The following PIK3C3 variants were observed in gnomAD, a reference collection of about 807,000 sequenced individuals.
PIK3C3 encodes PI3-kinase type 3.
A neutral mutation model predicts 126.1 loss-of-function variants in PIK3C3; 95 were observed. That is an observed-to-expected ratio of 0.75 (90% confidence interval 0.64 to 0.89). PIK3C3 has a LOEUF of 0.89. Ranked by LOEUF, PIK3C3 falls within the 40% of genes least tolerant of loss-of-function variation. The pLI, the probability that PIK3C3 is intolerant of heterozygous loss-of-function variation, is 0.00. For missense variants in PIK3C3, 829 were observed against 1,063.2 expected, an observed-to-expected ratio of 0.78 and a Z score of 3.06; for synonymous variants, 374 against 360.0, an observed-to-expected ratio of 1.04 and a Z score of -0.44.
intron 15 of PIK3C3, among the ~76,000 whole-genome samples, chr18:42,031,202 T>G (rs1377874945): frequency 6.6e-6 from 1 of 152,194 alleles, no homozygotes; most frequent in East Asian, 1.9e-4. Flanking sequence ...TAAAATCATA[T>G]GTAGCACTTT....
chr18:41,973,368 A>T (rs527574081), intron 4 of PIK3C3, among the ~76,000 whole-genome samples: 2 of 152,126 alleles, frequency 1.3e-5, no homozygotes, highest in South Asian at 4.1e-4. Context: ...CACCTAAAAC[A>T]TGGTCTTGCC....
At chr18:41,956,514 T>A (rs1979780030) in intron 1 of PIK3C3, among the ~76,000 whole-genome samples, 2 of 150,970 alleles carry the variant, frequency 1.3e-5, no homozygotes, top group South Asian at 2.1e-4. Context: ...TGTTTGAACA[T>A]TAAAAATAAA....
At chr18:41,968,151 G>A (rs1980467183) in intron 3 of PIK3C3, among the ~76,000 whole-genome samples, 1 of 152,158 alleles carries the variant, frequency 6.6e-6, no homozygotes, top group Admixed American at 6.6e-5. Flanking sequence ...AAATCATTTA[G>A]TAAACTGACT....
chr18:41,975,153 C>T (rs1447439029), intron 4 of PIK3C3, among the ~76,000 whole-genome samples: 3 of 152,130 alleles, frequency 2.0e-5, no homozygotes, highest in Non-Finnish European at 4.4e-5. Context: ...GCCTGTGTGG[C>T]GTCACTGTGG....
Position 41,962,626 on chromosome 18 carries a change from A to G in PIK3C3, c.395A>G (p.Lys132Arg), listed in dbSNP as rs141423044. The G allele has an allele frequency of 1.3e-4, 215 of 1,610,692 alleles. No individual in the cohort carries two copies. Among genetic ancestry groups the G allele is most frequent in the Non-Finnish European group, 1.3e-4 (157 of 1,178,092 alleles). Residue 132 changes from lysine to arginine, a missense_variant, in exon 3 of 25, where the codon AAA becomes AGA. Physicochemically the swap from Lys to Arg is conservative, Grantham distance 26. Coordinates refer to ENST00000262039, the MANE Select transcript of PIK3C3 (RefSeq NM_002647.4). ...VGGTTVSLFG[K>R]YGMFRQGMHD... ...GGAACAACGGTTTCGCTCTTTGGAA[A>G]ATACGGGTAAGCATTCTGTTGGTCT...
At position 42,043,713 on chromosome 18, in the gene PIK3C3, T is replaced by G; in HGVS notation, c.2104-20T>G. On this transcript the variant is annotated intron_variant, in intron 19 of 24. Transcript: ENST00000262039. ...TTTGTTTGTACTTAATTCTAAAACA[T>G]GTAAATAATGTCTTTTCAGAACTTT... The G allele has an allele frequency of 1.3e-6, 2 of 1,523,166 alleles. No individual in the cohort carries two copies. The highest frequency in any genetic ancestry group is 9.1e-7 in the Non-Finnish European group (1 of 1,098,284). 94.4% of individuals were successfully genotyped at this position (1,523,166 alleles called of 1,614,324 possible).
chr18:42,019,890 A>T (rs1983244795), intron 12 of PIK3C3, among the ~76,000 whole-genome samples: 1 of 152,084 alleles, frequency 6.6e-6, no homozygotes, highest in African/African-American at 2.4e-5. Flanking sequence ...GAAATTTGGG[A>T]GTTACTATTA....
intron 4 of PIK3C3, among the ~76,000 whole-genome samples, chr18:41,981,133 A>T (rs72907555): frequency 6.6e-6 from 1 of 152,156 alleles, no homozygotes; most frequent in East Asian, 1.9e-4. Flanking sequence ...GAATTGTGTT[A>T]TAACAAGCGT....
At chr18:41,993,614 T>C (rs1161552299) in intron 7 of PIK3C3, among the ~76,000 whole-genome samples, 1 of 152,010 alleles carries the variant, frequency 6.6e-6, no homozygotes, top group East Asian at 1.9e-4. Context: ...TTTTTTTTTT[T>C]CTTCAGGTTG....
chr18:42,001,873 T>C (rs1355808766), intron 9 of PIK3C3, among the ~76,000 whole-genome samples: 1 of 152,208 alleles, frequency 6.6e-6, no homozygotes, highest in Non-Finnish European at 1.5e-5. Flanking sequence ...TTAAGAAGTA[T>C]TGCTTTGTTT....
intron 9 of PIK3C3, 99 bp from the exon 10 acceptor site, chr18:42,004,257 C>A: frequency 1.2e-6 from 1 of 826,262 alleles, no homozygotes; most frequent in Non-Finnish European, 2.0e-6. Context: ...TCACTGACTC[C>A]GTGGCTCTGT....
chr18:42,042,658 T>C (rs1343233965), intron 19 of PIK3C3, among the ~76,000 whole-genome samples: 1 of 152,222 alleles, frequency 6.6e-6, no homozygotes, highest in African/African-American at 2.4e-5. Flanking sequence ...ATGAAAACAG[T>C]GACAGTTTGT....
intron 10 of PIK3C3, among the ~76,000 whole-genome samples, chr18:42,009,840 A>T (rs1255115305): frequency 6.6e-6 from 1 of 152,156 alleles, no homozygotes; most frequent in Non-Finnish European, 1.5e-5. Flanking sequence ...AAATTTTAAC[A>T]ATCATCTGAG....
At chr18:42,051,060 T>C (rs961799923) in intron 21 of PIK3C3, 2 of 152,262 alleles carry the variant, frequency 1.3e-5, no homozygotes, top group Non-Finnish European at 2.9e-5. Flanking sequence ...TTTGTTTAAT[T>C]CAACAACTAT....
intron 7 of PIK3C3, among the ~76,000 whole-genome samples, chr18:41,994,666 A>G (rs1981942429): frequency 2.0e-5 from 3 of 152,168 alleles, no homozygotes; most frequent in Admixed American, 2.0e-4. Flanking sequence ...AATTTGGAAA[A>G]AAATAATAAA....
At chr18:42,008,332 G>A (rs1200345608) in intron 10 of PIK3C3, among the ~76,000 whole-genome samples, 1 of 152,114 alleles carries the variant, frequency 6.6e-6, no homozygotes, top group East Asian at 1.9e-4. Context: ...TTTTACGTTT[G>A]GAGTTTATAT....
Position 42,049,846 on chromosome 18 carries a change from G to A in PIK3C3, c.2263+241G>A, listed in dbSNP as rs755813018. ...AAATTTGCCGGGCGTGGTGGTACAT[G>A]CCTGTAATCCCAACTACTCAGGAGG... is the stretch of plus-strand genomic sequence containing the variant. On this transcript the variant is annotated intron_variant, in intron 21 of 24. Transcript: ENST00000262039. The A allele has an allele frequency of 2.1e-4, 69 of 322,348 alleles. 1 individual carries two copies. The highest frequency in any genetic ancestry group is 3.0e-4 in the Non-Finnish European group (51 of 168,844). 20.0% of individuals were successfully genotyped at this position (322,348 alleles called of 1,614,324 possible). A position where few individuals can be genotyped will look rare whatever the true frequency, so the allele number is the denominator to read the frequency against.
intron 4 of PIK3C3, among the ~76,000 whole-genome samples, chr18:41,981,650 T>A (rs1981205025): frequency 6.6e-6 from 1 of 152,064 alleles, no homozygotes. Flanking sequence ...CTGCATTTTG[T>A]CTGAAGTTAT....
chr18:42,040,764 G>A, intron 19 of PIK3C3, 23 bp downstream of exon 19: 1 of 1,454,394 alleles, frequency 6.9e-7, no homozygotes, highest in African/African-American at 1.4e-5. Flanking sequence ...TAAAGATTAT[G>A]CAATTCATGA....
Sources: gnomAD v4.1 joint callset for allele counts (sites outside exome capture counted in the v4.1 genomes callset) on GRCh38, gnomAD v4.1.1 for gene constraint, MANE v1.5 for transcripts, NCBI Gene and HGNC (gene_info 2026-07-23, HGNC 2026-07-21) for gene names.